The following POMGNT1 variants were observed in gnomAD, a reference collection of about 807,000 sequenced individuals.
POMGNT1 encodes protein O-linked mannose N-acetylglucosaminyltransferase 1 (beta 1,2-).
Under a neutral mutation model 95.6 loss-of-function variants are expected in POMGNT1, and 67 were observed. That is an observed-to-expected ratio of 0.70 (90% CI 0.58 to 0.86). POMGNT1 has a LOEUF of 0.86. Ranked by LOEUF, POMGNT1 falls within the 40% of genes least tolerant of loss-of-function variation. The pLI is 0.00. For missense variants in POMGNT1, 719 were observed against 855.2 expected, an observed-to-expected ratio of 0.84 and a Z score of 1.99; for synonymous variants, 298 against 317.9, an observed-to-expected ratio of 0.94 and a Z score of 0.66.
At chr1:46,190,940 T>C (rs1393120400) in intron 17 of POMGNT1, 156 bp from the exon 18 acceptor site, 1 of 727,824 alleles carries the variant, frequency 1.4e-6, no homozygotes. Flanking sequence ...CTTTGCAGCA[T>C]CCTCAGCAAG....
At chr1:46,218,361 G>A (rs1020210532) in intron 1 of POMGNT1, among the ~76,000 whole-genome samples, 4 of 152,340 alleles carry the variant, frequency 2.6e-5, no homozygotes, top group East Asian at 1.9e-4. Flanking sequence ...ACTCTAGCCT[G>A]AGTGACAGAA....
At chr1:46,202,909 G>GGGC (rs946098259), upstream of POMGNT1, among the ~76,000 whole-genome samples, 1 of 105,158 alleles carries the variant, frequency 9.5e-6, no homozygotes, top group Non-Finnish European at 2.0e-5. Context: ...TAGCCCCTGG[G>GGGC]GGGGGGGGGT....
In POMGNT1 at chr1:46,196,949, C is replaced by G; in HGVS notation, c.235+21G>C. On this transcript the variant is annotated intron_variant, in intron 3 of 21. Coordinates refer to ENST00000371984, the MANE Select transcript of POMGNT1 (RefSeq NM_017739.4). The surrounding 1 kb of genome is among the most constrained non-coding windows in gnomAD (Gnocchi z 4.4). ...GCTGTGAGATCCAAGGCCCCCTACC[C>G]CATCCTTAGCCTAGCCCTACCATAG... 1 of 1,614,194 alleles carries G rather than the reference C, an allele frequency of 6.2e-7. No homozygotes were observed. The highest frequency in any genetic ancestry group is 8.5e-7 in the Non-Finnish European group (1 of 1,180,028).
chr1:46,201,333 G>A (rs1571677634), upstream of POMGNT1, among the ~76,000 whole-genome samples: 1 of 151,618 alleles, frequency 6.6e-6, no homozygotes. Context: ...GCAACATAGC[G>A]AGACTCTATC....
chr1:46,206,500 G>A (rs1307979267), intron 1 of POMGNT1, among the ~76,000 whole-genome samples: 1 of 152,082 alleles, frequency 6.6e-6, no homozygotes, highest in East Asian at 1.9e-4. Flanking sequence ...GAATCTCCTT[G>A]GAAGGAGAAT....
At chr1:46,220,120 A>C in exon 1 of POMGNT1, 5 of 1,614,196 alleles carry the variant, frequency 3.1e-6, no homozygotes, top group Non-Finnish European at 4.2e-6. Context: ...GAGAGGCTTC[A>C]AGGTGGACCA....
exon 1 of POMGNT1, chr1:46,220,234 CT>C: frequency 6.3e-7 from 1 of 1,583,782 alleles, no homozygotes. Context: ...CTATTCCACC[CT>C]TTTGTAATCC....
intron 17 of POMGNT1, 184 bp downstream of exon 17, chr1:46,191,914 G>C: frequency 1.0e-6 from 1 of 954,068 alleles, no homozygotes. Context: ...GATTACAGGC[G>C]TGAGCCACCG....
chr1:46,203,455 C>T, intron 1 of POMGNT1: 1 of 1,500,304 alleles, frequency 6.7e-7, no homozygotes, highest in Non-Finnish European at 8.9e-7. Flanking sequence ...TCCCAGACGC[C>T]TGACCTGCGG....
At chr1:46,193,018 T>C (rs1380785737) in intron 13 of POMGNT1, 60 bp from the exon 14 acceptor site, 2 of 1,609,544 alleles carry the variant, frequency 1.2e-6, no homozygotes, top group Non-Finnish European at 8.5e-7. Context: ...TGATCTCCTT[T>C]GCCCCCAACC....
At position 46,190,512 on chromosome 1, in the gene POMGNT1, T is replaced by C. The variant is rs1174476109; in HGVS notation, c.1610A>G (p.Lys537Arg). The C allele has an allele frequency of 6.2e-7, 1 of 1,605,838 alleles. No homozygotes were observed. The highest frequency in any genetic ancestry group is 2.2e-5 in the East Asian group (1 of 44,846). The change falls in exon 19 of 22, where the codon AAG (lysine) becomes AGG (arginine). Residue 537 changes from lysine to arginine, a missense_variant. By Grantham distance (26) the Lys-to-Arg change is conservative. Around this residue, in one of 5 missense-constraint regions of POMGNT1, gnomAD observed 2 missense variants for 17.6 expected, o/e 0.11. Coordinates refer to ENST00000371984, the MANE Select transcript of POMGNT1 (RefSeq NM_017739.4). ...AACTTCCACTTCATAAGCTTCTTTC[T>C]TCAGACTGAAGAGGAGGGAGAAATG... ...GVQLRNVDSL[K>R]KEAYEVEVHR...
intron 1 of POMGNT1, among the ~76,000 whole-genome samples, chr1:46,210,453 A>G (rs1407150280): frequency 2.6e-5 from 4 of 152,022 alleles, no homozygotes; most frequent in African/African-American, 9.7e-5. Flanking sequence ...GTCACATCCC[A>G]CAGGTTGAGG....
Position 46,196,381 on chromosome 1 carries a change from G to C in POMGNT1, c.355-304C>G, listed in dbSNP as rs1410674481. Among the ~76,000 whole-genome samples the C allele has an allele frequency of 6.6e-6, 1 of 152,164 alleles. No individual in the cohort carries two copies. Among genetic ancestry groups the C allele is most frequent in the Non-Finnish European group, 1.5e-5 (1 of 68,032 alleles). On this transcript the variant is annotated intron_variant, in intron 4 of 21. Coordinates refer to ENST00000371984, the MANE Select transcript of POMGNT1 (RefSeq NM_017739.4). This position sits in a 1 kb window ranked among gnomAD's most constrained non-coding sequence, Gnocchi z 4.4. ...TCCTCCACCACACTGAACCCCTCAAGGTAGGGCCAGGTCTGATTACTTTCA... is the reference window on the plus strand; with the variant it reads ...TCCTCCACCACACTGAACCCCTCAACGTAGGGCCAGGTCTGATTACTTTCA...
At chr1:46,205,726 A>G (rs903335196) in intron 1 of POMGNT1, among the ~76,000 whole-genome samples, 16 of 152,246 alleles carry the variant, frequency 1.1e-4, no homozygotes, top group African/African-American at 3.4e-4. Context: ...TTCTGGGGCC[A>G]GAATGAGGAG....
chr1:46,190,094 G>GTTAT, intron 19 of POMGNT1, 105 bp from the exon 20 acceptor site: 1 of 768,244 alleles, frequency 1.3e-6, no homozygotes, highest in Non-Finnish European at 2.0e-6. Context: ...CCACCTTGAA[G>GTTAT]TTCTTTTTTT....
At chr1:46,191,057 T>C (rs1473851411) in intron 17 of POMGNT1, 3 of 422,988 alleles carry the variant, frequency 7.1e-6, no homozygotes, top group Non-Finnish European at 1.4e-5. Flanking sequence ...CCCTGCCTCT[T>C]GTAGTTCTCC....
intron 1 of POMGNT1, among the ~76,000 whole-genome samples, chr1:46,218,600 C>T (rs1195732599): frequency 2.6e-5 from 4 of 152,118 alleles, no homozygotes; most frequent in Non-Finnish European, 4.4e-5. Flanking sequence ...TGTTCGGATT[C>T]GGCACTCTCT....
intron 1 of POMGNT1, 93 bp from the exon 2 acceptor site, chr1:46,197,964 C>T (rs1042047421): frequency 1.6e-6 from 2 of 1,252,972 alleles, no homozygotes; most frequent in African/African-American, 1.5e-5. Context: ...AGCAACTCTT[C>T]CCTGCAAGCA....
intron 8 of POMGNT1, 35 bp downstream of exon 8, chr1:46,194,518 C>A: frequency 1.2e-6 from 2 of 1,614,138 alleles, no homozygotes; most frequent in Middle Eastern, 1.6e-4. Flanking sequence ...ACCCCCAGCC[C>A]AGGCCCTGCC....
Sources: gnomAD v4.1 joint callset for allele counts (sites outside exome capture counted in the v4.1 genomes callset) on GRCh38, gnomAD v4.1.1 for gene constraint, gnomAD v4.1.1 regional missense constraint, Gnocchi (gnomAD v3.1) non-coding constraint, MANE v1.5 for transcripts, NCBI Gene and HGNC (gene_info 2026-07-23, HGNC 2026-07-21) for gene names.